ATP8A2: variants seen among roughly 807,000 people sequenced by gnomAD.
The protein encoded by ATP8A2 is phospholipid-transporting ATPase IB.
A neutral mutation model predicts 165.6 loss-of-function variants in ATP8A2; 100 were observed. The observed-to-expected ratio is 0.60, with a 90% confidence interval of 0.51 to 0.71. The LOEUF (loss-of-function observed/expected upper bound fraction) is 0.71, where lower values mean the gene tolerates loss of function less well. Ranked by LOEUF, ATP8A2 falls within the 30% of genes least tolerant of loss-of-function variation. The pLI, the probability that ATP8A2 is intolerant of heterozygous loss-of-function variation, is 0.00. For missense variants in ATP8A2, 1,227 were observed against 1,479.5 expected (o/e 0.83, Z 2.80); for synonymous variants, 543 against 548.8 (o/e 0.99, Z 0.15).
chr13:25,725,869 C>G (rs973493546), intron 25 of ATP8A2, among the ~76,000 whole-genome samples: 2 of 152,200 alleles, frequency 1.3e-5, no homozygotes, highest in African/African-American at 4.8e-5. Context: ...GGCAGAAACA[C>G]TCCTACCAGC....
chr13:25,779,946 T>C (rs1593334398), intron 27 of ATP8A2, among the ~76,000 whole-genome samples: 1 of 152,210 alleles, frequency 6.6e-6, no homozygotes, highest in East Asian at 1.9e-4. Flanking sequence ...TTTAACAAAC[T>C]ATGAGTTAGT....
intron 25 of ATP8A2, among the ~76,000 whole-genome samples, chr13:25,739,557 A>G (rs1160216612): frequency 6.6e-6 from 1 of 152,162 alleles, no homozygotes; most frequent in African/African-American, 2.4e-5. Flanking sequence ...AATAAATTCA[A>G]CTTGTCTTGG....
At chr13:25,607,951 A>T (rs1023954171) in intron 24 of ATP8A2, among the ~76,000 whole-genome samples, 1 of 152,210 alleles carries the variant, frequency 6.6e-6, no homozygotes, top group Non-Finnish European at 1.5e-5. Flanking sequence ...GCTGCTTTTT[A>T]AAAATAGTGA....
At chr13:25,749,522 G>A (rs952647060) in intron 25 of ATP8A2, among the ~76,000 whole-genome samples, 21 of 152,110 alleles carry the variant, frequency 1.4e-4, no homozygotes, top group African/African-American at 4.3e-4. Flanking sequence ...TAGGCAGCAG[G>A]GAATCATGAC....
intron 27 of ATP8A2, among the ~76,000 whole-genome samples, chr13:25,818,359 TA>T (rs1566170140): frequency 6.6e-6 from 1 of 152,190 alleles, no homozygotes; most frequent in African/African-American, 2.4e-5. Context: ...AAAGTATCAG[TA>T]ATATAATAAG....
At chr13:25,667,388 A>G (rs1266648388) in intron 24 of ATP8A2, among the ~76,000 whole-genome samples, 5 of 152,178 alleles carry the variant, frequency 3.3e-5, no homozygotes, top group Non-Finnish European at 1.5e-5. Flanking sequence ...CTGTTCTCCC[A>G]GTAGTGAGTG....
At chr13:25,455,840 T>C (rs538142198) in intron 1 of ATP8A2, among the ~76,000 whole-genome samples, 30 of 152,372 alleles carry the variant, frequency 2.0e-4, no homozygotes, top group African/African-American at 6.5e-4. Flanking sequence ...TATTCTACTT[T>C]CTTGTAATTT....
chr13:25,860,267 C>G lies in ATP8A2; in HGVS notation c.3018+11C>G. ...AATATTGTTTACACAGTAAGTTTAT[C>G]TCTGTTTATTAAGCCATTCTTAAAC... On this transcript the variant is annotated intron_variant, in intron 31 of 36. Transcript: ENST00000381655. The G allele has an allele frequency of 6.3e-7, 1 of 1,594,194 alleles. No homozygotes were observed. The highest frequency in any genetic ancestry group is 8.6e-7 in the Non-Finnish European group (1 of 1,162,982).
chr13:25,975,779 C>T (rs1956022244), intron 35 of ATP8A2, among the ~76,000 whole-genome samples: 1 of 152,108 alleles, frequency 6.6e-6, no homozygotes, highest in African/African-American at 2.4e-5. Flanking sequence ...CCAGGCATCA[C>T]GACAGTCCAC....
At position 25,921,491 on chromosome 13, in the gene ATP8A2, C is replaced by T. The variant is rs542164775; in HGVS notation, c.3184-40084C>T. Among the ~76,000 whole-genome samples the T allele has an allele frequency of 1.4e-4, 21 of 151,112 alleles. No individual in the cohort carries two copies. In the South Asian group the frequency reaches 1.5e-3, roughly 11 times the overall value. On this transcript the variant is annotated intron_variant, in intron 33 of 36. Coordinates refer to ENST00000381655, the MANE Select transcript of ATP8A2 (RefSeq NM_016529.6). The stretch of plus-strand genomic sequence containing the variant: ...AAAAAAAAATAGCCAGGTGTGGTGG[C>T]GGGCACCTGTAGTCCTAGATACTTG...
intron 24 of ATP8A2, among the ~76,000 whole-genome samples, chr13:25,603,733 G>A (rs1306599771): frequency 1.3e-5 from 2 of 152,102 alleles, no homozygotes; most frequent in Non-Finnish European, 2.9e-5. Flanking sequence ...AGAAGGTTAA[G>A]ACCCGAGGGG....
chr13:25,955,404 G>C (rs1220557392), intron 33 of ATP8A2, among the ~76,000 whole-genome samples: 1 of 152,046 alleles, frequency 6.6e-6, no homozygotes, highest in Non-Finnish European at 1.5e-5. Context: ...AGAAAAGAGA[G>C]AAGAATCAAA....
At chr13:25,609,018 G>T (rs1173156862) in intron 24 of ATP8A2, among the ~76,000 whole-genome samples, 1 of 152,024 alleles carries the variant, frequency 6.6e-6, no homozygotes, top group East Asian at 1.9e-4. Flanking sequence ...AAATTCATGG[G>T]ATATGAATAT....
intron 33 of ATP8A2, among the ~76,000 whole-genome samples, chr13:25,873,015 G>A (rs1302067556): frequency 6.6e-6 from 1 of 152,006 alleles, no homozygotes; most frequent in Non-Finnish European, 1.5e-5. Flanking sequence ...AGTGGCTGCT[G>A]TGTTGGACAG....
intron 24 of ATP8A2, among the ~76,000 whole-genome samples, chr13:25,636,209 G>T (rs1025370021): frequency 6.6e-6 from 1 of 152,096 alleles, no homozygotes; most frequent in Non-Finnish European, 1.5e-5. Context: ...AAACAACTTA[G>T]TGTCAAATAC....
intron 1 of ATP8A2, among the ~76,000 whole-genome samples, chr13:25,383,912 C>G (rs1305212066): frequency 6.6e-6 from 1 of 152,122 alleles, no homozygotes; most frequent in East Asian, 1.9e-4. Context: ...TTATTTTTCT[C>G]TGGATAACAG....
chr13:25,936,518 ATCATCT>A (rs1176390330), intron 33 of ATP8A2, among the ~76,000 whole-genome samples: 1 of 152,212 alleles, frequency 6.6e-6, no homozygotes, highest in Non-Finnish European at 1.5e-5. Flanking sequence ...ATAATAAATC[ATCATCT>A]TCAAGTCAGG....
At position 25,844,682 on chromosome 13, in the gene ATP8A2, C is replaced by T. The variant is rs555853003; in HGVS notation, c.2956+5058C>T. Among the ~76,000 whole-genome samples the T allele has an allele frequency of 1.3e-3, 198 of 152,308 alleles. 1 individual carries two copies. The highest frequency in any genetic ancestry group is 4.6e-3 in the African/African-American group (190 of 41,564). On this transcript the variant is annotated intron_variant, in intron 30 of 36. Coordinates refer to ENST00000381655, the MANE Select transcript of ATP8A2 (RefSeq NM_016529.6). ...GGGGTGCCTTCAGGACTCTCCCCTC[C>T]TGCAAGAGCTGCCTGAAGCCATCCC...
intron 25 of ATP8A2, among the ~76,000 whole-genome samples, chr13:25,734,010 C>T (rs142235083): frequency 6.6e-6 from 1 of 152,300 alleles, no homozygotes; most frequent in East Asian, 1.9e-4. Context: ...GACCTTTTCC[C>T]AATATACAAA....
Sources: allele counts gnomAD v4.1 joint callset (sites outside exome capture counted in the v4.1 genomes callset), GRCh38; gene constraint gnomAD v4.1.1; transcripts MANE v1.5; gene names NCBI Gene and HGNC (gene_info 2026-07-23, HGNC 2026-07-21).